Variants in SUGCT observed in about 807,000 individuals in gnomAD.
The protein encoded by SUGCT is succinyl-CoA:glutarate-CoA transferase, also known as succinyl-CoA:glutarate CoA-transferase.
In SUGCT, 41 loss-of-function variants were observed where a neutral mutation model predicts 55.0. That is an observed-to-expected ratio of 0.74 (90% CI 0.58 to 0.97). The LOEUF (loss-of-function observed/expected upper bound fraction) is 0.97. Ranked by LOEUF, SUGCT falls within the 50% of genes least tolerant of loss-of-function variation. The pLI is 0.00. For synonymous variants in SUGCT, 187 were observed against 200.4 expected (o/e 0.93, Z 0.56); for missense variants, 568 against 547.8 (o/e 1.04, Z -0.37).
At chr7:40,454,237 A>T (rs1387625567) in intron 10 of SUGCT, among the ~76,000 whole-genome samples, 1 of 152,256 alleles carries the variant, frequency 6.6e-6, no homozygotes, top group Non-Finnish European at 1.5e-5. Flanking sequence ...GAGAAAGTGT[A>T]CATGCTGAAA....
chr7:40,727,696 G>A (rs1016791084), intron 12 of SUGCT, among the ~76,000 whole-genome samples: 1 of 152,100 alleles, frequency 6.6e-6, no homozygotes, highest in Non-Finnish European at 1.5e-5. Flanking sequence ...TGAATGCATA[G>A]GTCATAAAGT....
At chr7:40,896,016 A>T in the SUGCT span, among the ~76,000 whole-genome samples, 2 of 152,226 alleles carry the variant, frequency 1.3e-5, no homozygotes, top group African/African-American at 2.4e-5. Context: ...TTAGATTTTT[A>T]AAAAATTACA....
intron 13 of SUGCT, among the ~76,000 whole-genome samples, chr7:40,815,879 G>A (rs1791644531): frequency 1.3e-5 from 2 of 152,188 alleles, no homozygotes. Flanking sequence ...CACAGTCTAT[G>A]CCCAGGAAGG....
chr7:40,316,141 G>A (rs1795420823), intron 8 of SUGCT, among the ~76,000 whole-genome samples: 1 of 152,114 alleles, frequency 6.6e-6, no homozygotes, highest in Non-Finnish European at 1.5e-5. Flanking sequence ...GAGAAGTACA[G>A]TAATGTTTCT....
At position 40,379,882 on chromosome 7, in the gene SUGCT, G is replaced by A. The variant is rs770162416; in HGVS notation, c.816+63027G>A. On this transcript the variant is annotated intron_variant, in intron 9 of 13. Coordinates refer to ENST00000335693, the MANE Select transcript of SUGCT (RefSeq NM_001193313.2). Reference sequence around the variant, plus strand: ...GGGTCTCATAGGTTAACAGGAATATGGTGGTAGCTTCTCAAAGCTCCTTAT... The same window carrying A: ...GGGTCTCATAGGTTAACAGGAATATAGTGGTAGCTTCTCAAAGCTCCTTAT... Among the ~76,000 whole-genome samples the A allele has an allele frequency of 2.0e-5, 3 of 152,196 alleles. No homozygotes were observed. In the South Asian group the frequency reaches 6.2e-4, roughly 32 times the overall value.
chr7:40,285,929 A>G (rs1793306933), intron 8 of SUGCT, among the ~76,000 whole-genome samples: 1 of 152,170 alleles, frequency 6.6e-6, no homozygotes, highest in African/African-American at 2.4e-5. Context: ...TGTCAGAGAA[A>G]TTCTTCTAAA....
intron 7 of SUGCT, among the ~76,000 whole-genome samples, chr7:40,247,477 T>G (rs945662447): frequency 5.3e-5 from 8 of 152,068 alleles, no homozygotes; most frequent in African/African-American, 1.9e-4. Flanking sequence ...AGGCTGGTTT[T>G]GAACTCCTAA....
intron 9 of SUGCT, among the ~76,000 whole-genome samples, chr7:40,397,288 A>T (rs1785785256): frequency 6.6e-6 from 1 of 152,040 alleles, no homozygotes; most frequent in Non-Finnish European, 1.5e-5. Flanking sequence ...TACTGACAAA[A>T]TTCCATCCAT....
intron 1 of SUGCT, among the ~76,000 whole-genome samples, chr7:40,163,962 C>T (rs1398727299): frequency 6.6e-6 from 1 of 151,952 alleles, no homozygotes; most frequent in African/African-American, 2.4e-5. Flanking sequence ...GCTGGGACTG[C>T]AGGCATGCAC....
chr7:40,385,522 G>A (rs1785074746), intron 9 of SUGCT, among the ~76,000 whole-genome samples: 1 of 152,172 alleles, frequency 6.6e-6, no homozygotes, highest in South Asian at 2.1e-4. Context: ...TAGTGTCCTA[G>A]TCTTTCTGTA....
At chr7:40,967,943 C>G in the SUGCT span, among the ~76,000 whole-genome samples, 1 of 152,168 alleles carries the variant, frequency 6.6e-6, no homozygotes, top group South Asian at 2.1e-4. Context: ...AGACTGGACT[C>G]AATGGATATA....
intron 6 of SUGCT, among the ~76,000 whole-genome samples, chr7:40,230,607 C>G (rs1482153258): frequency 6.6e-6 from 1 of 152,104 alleles, no homozygotes; most frequent in Admixed American, 6.6e-5. Context: ...TGGATATAGG[C>G]AGGAAGTAAA....
chr7:40,704,924 C>A (rs1785328929), intron 12 of SUGCT, among the ~76,000 whole-genome samples: 1 of 152,162 alleles, frequency 6.6e-6, no homozygotes, highest in Non-Finnish European at 1.5e-5. Context: ...TTTGGCCAAG[C>A]TGTCTGTTCA....
downstream of SUGCT, among the ~76,000 whole-genome samples, chr7:40,862,646 TG>T (rs1436317249): frequency 6.6e-6 from 1 of 152,152 alleles, no homozygotes; most frequent in African/African-American, 2.4e-5. Context: ...TGTCTAAGGT[TG>T]GCTTAGAAAA....
At chr7:40,889,147 G>GGGCT in the SUGCT span, among the ~76,000 whole-genome samples, 1 of 152,206 alleles carries the variant, frequency 6.6e-6, no homozygotes, top group Non-Finnish European at 1.5e-5. Context: ...GTACATCGAT[G>GGGCT]GGCTGGGCAG....
At chr7:40,574,164 C>T (rs1484868394) in intron 12 of SUGCT, among the ~76,000 whole-genome samples, 1 of 152,016 alleles carries the variant, frequency 6.6e-6, no homozygotes, top group Non-Finnish European at 1.5e-5. Context: ...TGGATACTCA[C>T]CTCCCCTCAC....
intron 7 of SUGCT, among the ~76,000 whole-genome samples, chr7:40,258,771 T>C (rs1310997093): frequency 6.6e-6 from 1 of 152,174 alleles, no homozygotes; most frequent in Non-Finnish European, 1.5e-5. Flanking sequence ...GAAAGCAGTA[T>C]GGAGGTTCTT....
At chr7:40,859,045 G>C (rs1375911493) in intron 13 of SUGCT, among the ~76,000 whole-genome samples, 5 of 152,016 alleles carry the variant, frequency 3.3e-5, no homozygotes, top group Non-Finnish European at 7.4e-5. Flanking sequence ...GGTTTTATTT[G>C]TTCTTCCTAT....
the SUGCT span, among the ~76,000 whole-genome samples, chr7:41,004,599 C>A: frequency 1.3e-5 from 2 of 152,180 alleles, no homozygotes; most frequent in African/African-American, 2.4e-5. Flanking sequence ...CAGAGAGGAA[C>A]TGCTATGGCT....
Sources: allele counts gnomAD v4.1 joint callset (sites outside exome capture counted in the v4.1 genomes callset), GRCh38; gene constraint gnomAD v4.1.1; transcripts MANE v1.5; gene names NCBI Gene and HGNC (gene_info 2026-07-23, HGNC 2026-07-21).